Variants in WDFY4 observed in about 807,000 individuals in gnomAD.
WDFY4 encodes WDFY family member 4.
WDFY4 carries 169 observed loss-of-function variants against 351.9 expected under a neutral mutation model. The observed-to-expected ratio is 0.48, with a 90% CI of 0.42 to 0.55. The LOEUF (loss-of-function observed/expected upper bound fraction) is 0.55. Ranked by LOEUF, WDFY4 falls within the 20% of genes least tolerant of loss-of-function variation. The probability of loss-of-function intolerance (pLI) is 0.00; values close to 1 mark genes in which losing one functional copy is unlikely to be tolerated. For synonymous variants in WDFY4, 1,622 were observed against 1,574.6 expected, an observed-to-expected ratio of 1.03 and a Z score of -0.71; for missense variants, 3,803 against 3,935.6, an observed-to-expected ratio of 0.97 and a Z score of 0.90.
rs1202218637 is a variant in WDFY4, at chr10:48,910,274, C to T, written c.7586+8411C>T. On this transcript the variant is annotated intron_variant, in intron 47 of 61. Coordinates refer to ENST00000325239, the MANE Select transcript of WDFY4 (RefSeq NM_001394531.1). ...CAAGCGTATTCTGGGGATGGAGACA[C>T]AAGAAGGTGAGGCAATTGCTCCAGG... The T allele has an allele frequency of 3.1e-6, 5 of 1,613,032 alleles. No homozygotes were observed. In the African/African-American group the frequency reaches 5.3e-5, roughly 17 times the overall value.
In WDFY4 at chr10:48,727,596, C is replaced by T. The variant is rs370136528; in HGVS notation, c.908C>T (p.Ser303Leu). Residue 303 changes from serine (S) to leucine (L), a missense_variant, in exon 7 of 62, where the codon TCG (serine) becomes TTG (leucine). Coordinates refer to ENST00000325239, the MANE Select transcript of WDFY4 (RefSeq NM_001394531.1). Reference sequence around the variant, plus strand: ...GTGAAGGACTCCTACCCCGTCTCCTCGGCTCTGTTCCTGGAGTTTGAGAAT... The same window carrying T: ...GTGAAGGACTCCTACCCCGTCTCCTTGGCTCTGTTCCTGGAGTTTGAGAAT... ...GFVKDSYPVS[S>L]ALFLEFENSE... 51 of 1,551,990 alleles carry T rather than the reference C, an allele frequency of 3.3e-5. No individual in the cohort carries two copies. The highest frequency in any genetic ancestry group is 3.9e-5 in the Admixed American group (2 of 51,006).
In WDFY4 at chr10:48,982,610, T is replaced by G; in HGVS notation, c.*35T>G. 1.3e-6 allele frequency: 2 copies of G among 1,544,270 alleles called. No individual in the cohort carries two copies. The highest frequency in any genetic ancestry group is 8.8e-7 in the Non-Finnish European group (1 of 1,141,946). Reference sequence around the variant, plus strand: ...GGCAGCAGAGGCTCTGGCACAACAGTGCCAGGCTGAGGGTGGCAGAGGTGA... The same window carrying G: ...GGCAGCAGAGGCTCTGGCACAACAGGGCCAGGCTGAGGGTGGCAGAGGTGA... On this transcript the variant is annotated 3_prime_UTR_variant, in exon 62 of 62. Transcript: ENST00000325239.
rs988473187 is a variant in WDFY4 at position 48,793,632 on chromosome 10, G to A, written c.4258-2666G>A. Among the ~76,000 whole-genome samples the A allele has an allele frequency of 7.9e-5, 12 of 152,122 alleles. 1 individual carries two copies. Among genetic ancestry groups the A allele is most frequent in the South Asian group, 4.1e-4 (2 of 4,822 alleles). ...GTGATGTCTGCTTCCGTATTGCCACGTTTGTGTCTGTTTCACCCCCAGGCA... is the reference window on the plus strand; with the variant it reads ...GTGATGTCTGCTTCCGTATTGCCACATTTGTGTCTGTTTCACCCCCAGGCA... On this transcript the variant is annotated intron_variant, in intron 23 of 61. Coordinates refer to ENST00000325239, the MANE Select transcript of WDFY4 (RefSeq NM_001394531.1).
At chr10:48,798,205 G>A (rs142410254) in intron 24 of WDFY4, among the ~76,000 whole-genome samples, 1 of 152,088 alleles carries the variant, frequency 6.6e-6, no homozygotes. Context: ...ATCAAGATTC[G>A]GTTCAACGTC....
chr10:48,737,704 A>T (rs2064718040), intron 11 of WDFY4, among the ~76,000 whole-genome samples: 1 of 152,252 alleles, frequency 6.6e-6, no homozygotes, highest in Admixed American at 6.5e-5. Flanking sequence ...AAACAAAAAA[A>T]GGAAAGTTAA....
chr10:48,787,986 CCTT>C (rs1210366209), intron 20 of WDFY4, among the ~76,000 whole-genome samples: 1 of 65,450 alleles, frequency 1.5e-5, no homozygotes, highest in Non-Finnish European at 3.0e-5. Context: ...TTCTTCTTCT[CCTT>C]CTCCTTCTCC....
chr10:48,792,320 C>A (rs2066710953), intron 23 of WDFY4, among the ~76,000 whole-genome samples: 1 of 152,234 alleles, frequency 6.6e-6, no homozygotes, highest in African/African-American at 2.4e-5. Flanking sequence ...GCACTGTGGG[C>A]ACATCCCGTT....
At position 48,982,112 on chromosome 10, in the gene WDFY4, C is replaced by T. The variant is rs960017686; in HGVS notation, c.9489-397C>T. 1.5e-4 allele frequency among the ~76,000 whole-genome samples: 23 copies of T among 152,018 alleles called. No homozygotes were observed. In the South Asian group the frequency reaches 1.9e-3, roughly 12 times the overall value. Reference sequence around the variant, plus strand: ...ACAGTGTTTTAGATGCTGGGTGGGGCGGAGTGGAGTGGGGTGGGCATGATG... The same window carrying T: ...ACAGTGTTTTAGATGCTGGGTGGGGTGGAGTGGAGTGGGGTGGGCATGATG... On this transcript the variant is annotated intron_variant, in intron 61 of 61. Transcript: ENST00000325239.
intron 47 of WDFY4, among the ~76,000 whole-genome samples, chr10:48,917,418 A>C (rs1319394247): frequency 3.9e-5 from 6 of 152,234 alleles, no homozygotes; most frequent in Non-Finnish European, 8.8e-5. Context: ...GCGAACTCCA[A>C]ACAAGATAAA....
chr10:48,723,286 T>A (rs2064153062), intron 4 of WDFY4, 147 bp from the exon 5 acceptor site: 1 of 999,512 alleles, frequency 1.0e-6, no homozygotes, highest in African/African-American at 1.6e-5. Flanking sequence ...CATCCTCTGG[T>A]TGTCAGCATT....
chr10:48,936,387 T>A (rs1325973562), intron 47 of WDFY4, among the ~76,000 whole-genome samples: 1 of 152,156 alleles, frequency 6.6e-6, no homozygotes, highest in Non-Finnish European at 1.5e-5. Context: ...CTACCCAGTA[T>A]ACTTCTAATT....
At chr10:48,975,189 C>G (rs1842514330) in intron 58 of WDFY4, 148 bp downstream of exon 58, 3 of 1,058,770 alleles carry the variant, frequency 2.8e-6, no homozygotes, top group Non-Finnish European at 4.2e-6. Flanking sequence ...CGCTGTAGAT[C>G]TCACTTGTAG....
At chr10:48,912,400 G>A (rs1338013734) in intron 47 of WDFY4, among the ~76,000 whole-genome samples, 1 of 152,182 alleles carries the variant, frequency 6.6e-6, no homozygotes, top group Non-Finnish European at 1.5e-5. Context: ...GGTGCCCAAG[G>A]GGATGCCAAG....
At chr10:48,976,252 A>T (rs1050896406) in intron 58 of WDFY4, among the ~76,000 whole-genome samples, 4 of 152,346 alleles carry the variant, frequency 2.6e-5, no homozygotes, top group Admixed American at 2.6e-4. Flanking sequence ...TATAGAATAA[A>T]CAGGACTTGA....
intron 47 of WDFY4, among the ~76,000 whole-genome samples, chr10:48,929,839 A>T (rs1378661841): frequency 6.6e-6 from 1 of 152,168 alleles, no homozygotes; most frequent in East Asian, 1.9e-4. Flanking sequence ...CAGGGCCCAA[A>T]CTGTGGCATC....
chr10:48,716,841 C>T (rs935878281), intron 2 of WDFY4, among the ~76,000 whole-genome samples: 1 of 152,144 alleles, frequency 6.6e-6, no homozygotes, highest in Admixed American at 6.5e-5. Context: ...AGAAATACAT[C>T]GTAGCAGCGT....
chr10:48,886,950 T>G (rs1158449351), intron 43 of WDFY4, among the ~76,000 whole-genome samples: 1 of 152,240 alleles, frequency 6.6e-6, no homozygotes, highest in African/African-American at 2.4e-5. Context: ...ATGAGTAAAC[T>G]TAGGGATGGA....
intron 1 of WDFY4, among the ~76,000 whole-genome samples, chr10:48,701,483 T>C (rs750410999): frequency 7.9e-5 from 12 of 152,206 alleles, no homozygotes; most frequent in Non-Finnish European, 1.6e-4. Context: ...GATGTAACAA[T>C]CAATAATAAA....
rs372273417 is a variant in WDFY4, at chr10:48,731,417, G to A, written c.1437G>A (p.Gly479=). The part of the protein sequence containing the change: ...KVQHLIKESP[G]PSCTLMALQS... ...AGCATCTGATCAAGGAGAGCCCTGG[G>A]CCATCCTGCACCCTCATGGCCCTGC... is the stretch of plus-strand genomic sequence containing the variant. The change falls in exon 9 of 62, where the codon GGG becomes GGA. Residue 479 remains glycine, a synonymous_variant. Transcript: ENST00000325239. 1.5e-4 allele frequency: 238 copies of A among 1,551,710 alleles called. 1 individual carries two copies. Among genetic ancestry groups the A allele is most frequent in the Middle Eastern group, 8.3e-4 (5 of 5,992 alleles).
Sources: allele counts gnomAD v4.1 joint callset (sites outside exome capture counted in the v4.1 genomes callset), GRCh38; gene constraint gnomAD v4.1.1; transcripts MANE v1.5; gene names NCBI Gene and HGNC (gene_info 2026-07-23, HGNC 2026-07-21).